Variants in RNGTT observed in about 807,000 individuals in gnomAD.
RNGTT encodes mRNA-capping enzyme.
A neutral mutation model predicts 79.3 loss-of-function variants in RNGTT; 33 were observed. The ratio of observed to expected loss-of-function variants is 0.42; its 90% CI spans 0.32 to 0.56. The LOEUF is 0.56. RNGTT is among the 20% of genes least tolerant of loss of function. RNGTT has a pLI of 0.17. For synonymous variants in RNGTT, 222 were observed against 235.9 expected (o/e 0.94, Z 0.54); for missense variants, 497 against 739.1 (o/e 0.67, Z 3.80).
At chr6:88,821,106 C>A (rs1177797964) in intron 11 of RNGTT, among the ~76,000 whole-genome samples, 1 of 152,026 alleles carries the variant, frequency 6.6e-6, no homozygotes, top group African/African-American at 2.4e-5. Context: ...AAAGAACAGA[C>A]AAATGGATCA....
intron 8 of RNGTT, among the ~76,000 whole-genome samples, chr6:88,885,069 C>T (rs1782813030): frequency 6.6e-6 from 1 of 151,966 alleles, no homozygotes; most frequent in South Asian, 2.1e-4. Flanking sequence ...CATACACATA[C>T]ATACAGACAG....
At chr6:88,625,179 TA>T (rs1314601446) in intron 14 of RNGTT, among the ~76,000 whole-genome samples, 1 of 151,960 alleles carries the variant, frequency 6.6e-6, no homozygotes, top group Non-Finnish European at 1.5e-5. Flanking sequence ...AGTTTCTTTA[TA>T]AAGTCAAACA....
At chr6:88,826,814 A>C (rs867328373) in intron 11 of RNGTT, among the ~76,000 whole-genome samples, 1 of 100,986 alleles carries the variant, frequency 9.9e-6, no homozygotes, top group African/African-American at 4.4e-5. Context: ...ATATATATAT[A>C]TATGTGTGTG....
chr6:88,755,469 G>A (rs7774048), intron 13 of RNGTT, among the ~76,000 whole-genome samples: 21,070 of 151,410 alleles, frequency 0.14, 1,601 homozygotes, highest in Middle Eastern at 0.24. Flanking sequence ...AAACAACAAC[G>A]ACAAAAAAAA....
At chr6:88,782,218 T>A (rs1779087357) in intron 12 of RNGTT, among the ~76,000 whole-genome samples, 1 of 152,086 alleles carries the variant, frequency 6.6e-6, no homozygotes. Context: ...AATAGCTCCA[T>A]GAGGTAGTTC....
intron 12 of RNGTT, among the ~76,000 whole-genome samples, chr6:88,770,653 G>C (rs1672793373): frequency 6.6e-6 from 1 of 152,194 alleles, no homozygotes; most frequent in Non-Finnish European, 1.5e-5. Context: ...ATAACTAGGA[G>C]AGTGGAATGA....
intron 13 of RNGTT, among the ~76,000 whole-genome samples, chr6:88,710,773 G>T (rs989583206): frequency 1.3e-5 from 2 of 152,060 alleles, no homozygotes; most frequent in African/African-American, 4.8e-5. Context: ...CTCTCTTTTT[G>T]TATGAGGTAA....
At chr6:88,736,719 TAA>T (rs960081051) in intron 13 of RNGTT, among the ~76,000 whole-genome samples, 1 of 152,184 alleles carries the variant, frequency 6.6e-6, no homozygotes, top group African/African-American at 2.4e-5. Context: ...TACCACTCAG[TAA>T]AGAGACTACG....
chr6:88,953,848 C>T (rs763890197), intron 1 of RNGTT, among the ~76,000 whole-genome samples: 45 of 152,054 alleles, frequency 3.0e-4, no homozygotes, highest in Non-Finnish European at 5.6e-4. Context: ...AACTGTCAGC[C>T]AAGAATTTTG....
chr6:88,909,235 G>A (rs1248711987), intron 4 of RNGTT, among the ~76,000 whole-genome samples: 8 of 152,182 alleles, frequency 5.3e-5, no homozygotes, highest in Non-Finnish European at 1.5e-5. Context: ...GACAAGCCTG[G>A]CCAGTCTGGT....
At chr6:88,716,710 C>T (rs1226453534) in intron 13 of RNGTT, among the ~76,000 whole-genome samples, 5 of 152,018 alleles carry the variant, frequency 3.3e-5, no homozygotes, top group South Asian at 2.1e-4. Flanking sequence ...AGCAAACTAT[C>T]GCAAGGACAA....
chr6:88,929,271 A>T lies in RNGTT; in HGVS notation c.175-4T>A. 1 of 1,080,346 alleles carries T rather than the reference A, an allele frequency of 9.3e-7. No homozygotes were observed. Among genetic ancestry groups the T allele is most frequent in the Non-Finnish European group, 1.2e-6 (1 of 802,052 alleles). The allele number at this position is 1,080,346 out of a possible 1,614,324, so 66.9% of individuals were successfully genotyped here. ...CCACCAACAAGCCCATTTTAACCTA[A>T]AAAAAAAAAAAAATGAAAGGGCAAA... is the stretch of plus-strand genomic sequence containing the variant. On this transcript the variant is annotated splice_polypyrimidine_tract_variant and splice_region_variant and intron_variant, in intron 2 of 15. Transcript: ENST00000369485.
chr6:88,741,903 C>T (rs571866587), intron 13 of RNGTT, among the ~76,000 whole-genome samples: 10 of 152,230 alleles, frequency 6.6e-5, no homozygotes, highest in African/African-American at 2.2e-4. Context: ...ACTGGTAGGA[C>T]GACCTGATCT....
intron 12 of RNGTT, among the ~76,000 whole-genome samples, chr6:88,771,362 C>CAT (rs1216711835): frequency 2.6e-4 from 36 of 140,420 alleles, no homozygotes; most frequent in Non-Finnish European, 4.8e-4. Context: ...CACACACACA[C>CAT]ACACACACAA....
At chr6:88,760,572 T>C (rs6917459) in intron 13 of RNGTT, among the ~76,000 whole-genome samples, 21,092 of 152,234 alleles carry the variant, frequency 0.14, 1,598 homozygotes, top group Middle Eastern at 0.24. Context: ...ACCAGCTACA[T>C]ACCAAATAGC....
chr6:88,815,330 A>AT (rs1780280974), intron 11 of RNGTT, among the ~76,000 whole-genome samples: 1 of 152,170 alleles, frequency 6.6e-6, no homozygotes, highest in Non-Finnish European at 1.5e-5. Flanking sequence ...CCCCTCCCAG[A>AT]TTCTGCCCAC....
At position 88,941,158 on chromosome 6, in the gene RNGTT, T is replaced by A; in HGVS notation, c.87A>T (p.Thr29=). The A allele has an allele frequency of 6.2e-7, 1 of 1,610,772 alleles. No individual in the cohort carries two copies. Among genetic ancestry groups the A allele is most frequent in the Non-Finnish European group, 8.5e-7 (1 of 1,177,250 alleles). Residue 29 remains threonine, a synonymous_variant, in exon 2 of 16, where the codon ACA becomes ACT. Coordinates refer to ENST00000369485, the MANE Select transcript of RNGTT (RefSeq NM_003800.5). ...GACTATCATATCTTGGTCCTAACATTGTCTTCAGAGGTAAGAATCTTCCTA... is the reference window on the plus strand; with the variant it reads ...GACTATCATATCTTGGTCCTAACATAGTCTTCAGAGGTAAGAATCTTCCTA... ...PVAGRFLPLK[T]MLGPRYDSQV...
intron 8 of RNGTT, among the ~76,000 whole-genome samples, chr6:88,856,083 T>C (rs1357269872): frequency 6.6e-6 from 1 of 152,204 alleles, no homozygotes; most frequent in Non-Finnish European, 1.5e-5. Flanking sequence ...TATCTTTCTC[T>C]TAGAACGTCA....
At chr6:88,953,500 C>A (rs912220237) in intron 1 of RNGTT, among the ~76,000 whole-genome samples, 1 of 152,086 alleles carries the variant, frequency 6.6e-6, no homozygotes, top group Admixed American at 6.6e-5. Flanking sequence ...CTAAGAATAA[C>A]TGGTGTTCCT....
Sources: allele counts gnomAD v4.1 joint callset (sites outside exome capture counted in the v4.1 genomes callset), GRCh38; gene constraint gnomAD v4.1.1; transcripts MANE v1.5; gene names NCBI Gene and HGNC (gene_info 2026-07-23, HGNC 2026-07-21).